The following MYO5A variants were observed in gnomAD, a reference collection of about 807,000 sequenced individuals.
MYO5A encodes unconventional myosin-Va.
MYO5A carries 98 observed loss-of-function variants against 249.7 expected under a neutral mutation model. That is an observed-to-expected ratio of 0.39 (90% CI 0.33 to 0.46). The LOEUF (loss-of-function observed/expected upper bound fraction) is 0.46. Ranked by LOEUF, MYO5A falls within the 20% of genes least tolerant of loss-of-function variation. The pLI is 0.98. For missense variants in MYO5A, 1,696 were observed against 2,308.8 expected, an observed-to-expected ratio of 0.73 and a Z score of 5.44; for synonymous variants, 778 against 810.6, an observed-to-expected ratio of 0.96 and a Z score of 0.68.
chr15:52,473,664 T>C (rs2076527715), intron 1 of MYO5A, among the ~76,000 whole-genome samples: 1 of 152,232 alleles, frequency 6.6e-6, no homozygotes, highest in Non-Finnish European at 1.5e-5. Flanking sequence ...CCTTTCCCCA[T>C]TTCTTGTTTT....
intron 1 of MYO5A, chr15:52,435,727 T>G: frequency 2.3e-6 from 1 of 439,752 alleles, no homozygotes; most frequent in Middle Eastern, 6.2e-4. Context: ...ATTAACTAAC[T>G]TTTAGTCTTG....
At chr15:52,416,382 G>C (rs2043486627) in intron 4 of MYO5A, 81 bp from the exon 5 acceptor site, 1 of 1,445,332 alleles carries the variant, frequency 6.9e-7, no homozygotes, top group Admixed American at 1.9e-5. Flanking sequence ...GGTCTCTATG[G>C]AAGTAGGGGG....
Position 52,384,150 on chromosome 15 carries a change from C to T in MYO5A, c.1914+11G>A, listed in dbSNP as rs2041880112. ...GGAAGGAGCGTGGCAGCGGCAGCTC[C>T]CTGAACTCACCTGATGCCCCACTGT... is the stretch of plus-strand genomic sequence containing the variant. On this transcript the variant is annotated intron_variant, in intron 15 of 41. Coordinates refer to ENST00000399233, the MANE Select transcript of MYO5A (RefSeq NM_001382347.1). 8.1e-6 allele frequency: 13 copies of T among 1,613,930 alleles called. No homozygotes were observed. Among genetic ancestry groups the T allele is most frequent in the Non-Finnish European group, 1.1e-5 (13 of 1,179,986 alleles).
intron 1 of MYO5A, among the ~76,000 whole-genome samples, chr15:52,447,165 G>C (rs1399044691): frequency 1.3e-5 from 2 of 152,146 alleles, no homozygotes; most frequent in African/African-American, 2.4e-5. Context: ...CCTAATGCTG[G>C]AGGTAGGGCC....
chr15:52,371,243 T>G (rs1048059157), intron 21 of MYO5A, among the ~76,000 whole-genome samples: 2 of 152,192 alleles, frequency 1.3e-5, no homozygotes, highest in African/African-American at 4.8e-5. Context: ...TTCTGATCCC[T>G]GTTTTGCTTT....
Position 52,505,365 on chromosome 15 carries a change from C to T in MYO5A, c.27+23415G>A. On this transcript the variant is annotated intron_variant, in intron 1 of 41. Transcript: ENST00000399233. ...ATGCTCTATGTTGGTATAATCACAT[C>T]AAGTCTTACGAAAAGGAAAAGGCCA... The T allele has an allele frequency of 1.4e-5, 11 of 780,298 alleles. No individual in the cohort carries two copies. In the South Asian group the frequency reaches 1.5e-4, roughly 10 times the overall value. The allele number at this position is 780,298 out of a possible 1,614,324, so 48.3% of individuals were successfully genotyped here. A position where few individuals can be genotyped will look rare whatever the true frequency, so the allele number is the denominator to read the frequency against.
chr15:52,416,056 C>G, intron 5 of MYO5A, 89 bp downstream of exon 5: 1 of 1,477,886 alleles, frequency 6.8e-7, no homozygotes, highest in Non-Finnish European at 9.4e-7. Context: ...AGACCCCAGG[C>G]TTTCTGAGAC....
intron 1 of MYO5A, among the ~76,000 whole-genome samples, chr15:52,514,560 G>C (rs1305352463): frequency 6.6e-6 from 1 of 152,206 alleles, no homozygotes; most frequent in Non-Finnish European, 1.5e-5. Flanking sequence ...CTCACTTAAA[G>C]TGAAGACTGA....
chr15:52,471,624 A>T (rs2076474199), intron 1 of MYO5A, among the ~76,000 whole-genome samples: 1 of 46,440 alleles, frequency 2.2e-5, no homozygotes, highest in Non-Finnish European at 5.1e-5. Context: ...CACACACCCC[A>T]AACAAAAAAA....
chr15:52,527,453 TAGAA>T (rs552803338), intron 1 of MYO5A, among the ~76,000 whole-genome samples: 136 of 152,306 alleles, frequency 8.9e-4, no homozygotes, highest in African/African-American at 3.1e-3. Flanking sequence ...AATCTAAAAC[TAGAA>T]AGAAAGAGGT....
At chr15:52,371,999 A>T (rs931438752) in intron 21 of MYO5A, 125 bp downstream of exon 21, 1 of 1,397,884 alleles carries the variant, frequency 7.2e-7, no homozygotes, top group Non-Finnish European at 1.0e-6. Flanking sequence ...ATGGAAATAA[A>T]TACGGTCATA....
Position 52,312,976 on chromosome 15 carries a change from T to C in MYO5A, c.*720A>G, listed in dbSNP as rs1167295776. ...GCATATAATCCAGTTAAAACTGTGA[T>C]CTGATTGAATTGTAAACAGAATTGA... On this transcript the variant is annotated 3_prime_UTR_variant, in exon 42 of 42. Coordinates refer to ENST00000399233, the MANE Select transcript of MYO5A (RefSeq NM_001382347.1). The C allele has an allele frequency of 6.5e-6, 1 of 152,694 alleles. No individual in the cohort carries two copies. The highest frequency in any genetic ancestry group is 1.5e-5 in the Non-Finnish European group (1 of 68,076). 9.5% of individuals were successfully genotyped at this position (152,694 alleles called of 1,614,324 possible).
chr15:52,398,137 A>G (rs1253986993), intron 9 of MYO5A, among the ~76,000 whole-genome samples: 1 of 152,206 alleles, frequency 6.6e-6, no homozygotes, highest in Non-Finnish European at 1.5e-5. Flanking sequence ...TCACAGAAAC[A>G]GACAGAGGCT....
intron 1 of MYO5A, among the ~76,000 whole-genome samples, chr15:52,437,576 C>A (rs2075691808): frequency 1.9e-5 from 2 of 106,274 alleles, no homozygotes; most frequent in Admixed American, 1.4e-4. Flanking sequence ...GCCTGGGCAA[C>A]AGAGCAAGAC....
intron 11 of MYO5A, among the ~76,000 whole-genome samples, chr15:52,392,402 T>C (rs183343725): frequency 1.3e-5 from 2 of 152,378 alleles, no homozygotes; most frequent in East Asian, 3.9e-4. Context: ...GCTAACAACA[T>C]GGGACACAGG....
intron 18 of MYO5A, among the ~76,000 whole-genome samples, chr15:52,377,487 C>T (rs537637336): frequency 2.0e-5 from 3 of 151,964 alleles, no homozygotes; most frequent in African/African-American, 7.2e-5. Flanking sequence ...TTGTGATTCA[C>T]CTTATCTAGA....
At chr15:52,465,104 C>T (rs1432679319) in intron 1 of MYO5A, among the ~76,000 whole-genome samples, 1 of 152,112 alleles carries the variant, frequency 6.6e-6, no homozygotes, top group East Asian at 1.9e-4. Context: ...GAAACAGCAG[C>T]CTTGGTAGTA....
intron 1 of MYO5A, among the ~76,000 whole-genome samples, chr15:52,498,332 A>G (rs2077084093): frequency 6.6e-6 from 1 of 152,162 alleles, no homozygotes; most frequent in Admixed American, 6.5e-5. Flanking sequence ...CTGAAAATAA[A>G]TCTTAAAATT....
chr15:52,492,863 C>T (rs766415527), intron 1 of MYO5A, among the ~76,000 whole-genome samples: 1 of 152,180 alleles, frequency 6.6e-6, no homozygotes, highest in Non-Finnish European at 1.5e-5. Context: ...ATTTATTGTA[C>T]TGTTCTTTCT....
Sources: gnomAD v4.1 joint callset for allele counts (sites outside exome capture counted in the v4.1 genomes callset) on GRCh38, gnomAD v4.1.1 for gene constraint, MANE v1.5 for transcripts, NCBI Gene and HGNC (gene_info 2026-07-23, HGNC 2026-07-21) for gene names.